Variants in RNLS observed in about 807,000 individuals in gnomAD.
RNLS encodes the protein renalase.
In RNLS, 39 loss-of-function variants were observed where a neutral mutation model predicts 39.8. That is an observed-to-expected ratio of 0.98 (90% confidence interval 0.76 to 1.28). The LOEUF is 1.28. RNLS is among the 50% of genes most tolerant of loss of function. The pLI is 0.00. For synonymous variants in RNLS, 147 were observed against 150.7 expected (o/e 0.98, Z 0.18); for missense variants, 410 against 413.3 (o/e 0.99, Z 0.07).
the RNLS span, among the ~76,000 whole-genome samples, chr10:88,244,733 T>C: frequency 1.3e-5 from 2 of 151,854 alleles, no homozygotes; most frequent in African/African-American, 2.4e-5. Flanking sequence ...AAGGACACAC[T>C]GTGTAAATGG....
intron 6 of RNLS, among the ~76,000 whole-genome samples, chr10:88,276,264 T>C (rs533908935): frequency 4.1e-4 from 62 of 152,270 alleles, no homozygotes; most frequent in Admixed American, 3.9e-3. Flanking sequence ...TTTAGTTTTG[T>C]TTTCTAAGAG....
At chr10:88,549,626 T>A (rs1042106812) in intron 4 of RNLS, among the ~76,000 whole-genome samples, 1 of 152,046 alleles carries the variant, frequency 6.6e-6, no homozygotes, top group East Asian at 1.9e-4. Flanking sequence ...AAAAAAGCAG[T>A]GTCAGGGAGA....
At chr10:88,459,103 CTTT>C (rs34868471) in intron 4 of RNLS, among the ~76,000 whole-genome samples, 3 of 145,222 alleles carry the variant, frequency 2.1e-5, no homozygotes, top group Non-Finnish European at 3.0e-5. Context: ...TTTCTTTTTT[CTTT>C]TTTTTTTTTT....
intron 4 of RNLS, among the ~76,000 whole-genome samples, chr10:88,376,954 C>A (rs896771410): frequency 6.6e-6 from 1 of 151,446 alleles, no homozygotes; most frequent in East Asian, 1.9e-4. Flanking sequence ...ACTTAAGATA[C>A]AAAAAAAGAG....
chr10:88,464,717 T>C (rs1843108682), intron 4 of RNLS, among the ~76,000 whole-genome samples: 1 of 151,520 alleles, frequency 6.6e-6, no homozygotes, highest in African/African-American at 2.4e-5. Context: ...AGCTGCCTCT[T>C]AAAGCTCCTC....
At chr10:88,372,901 A>G (rs1850679324) in intron 4 of RNLS, among the ~76,000 whole-genome samples, 1 of 152,118 alleles carries the variant, frequency 6.6e-6, no homozygotes, top group African/African-American at 2.4e-5. Flanking sequence ...TGCATTCTAA[A>G]CTTTTTAGAC....
At chr10:88,353,141 C>CA (rs1848857723) in intron 5 of RNLS, among the ~76,000 whole-genome samples, 1 of 152,018 alleles carries the variant, frequency 6.6e-6, no homozygotes, top group African/African-American at 2.4e-5. Context: ...CTGATCTTTT[C>CA]AAAAAACCAG....
chr10:88,533,460 G>A (rs1345968640), intron 4 of RNLS, among the ~76,000 whole-genome samples: 1 of 152,164 alleles, frequency 6.6e-6, no homozygotes, highest in Non-Finnish European at 1.5e-5. Context: ...ACTTTGATTT[G>A]ACCTTAAAGG....
chr10:88,431,936 C>G (rs1832045544), intron 4 of RNLS, among the ~76,000 whole-genome samples: 1 of 151,660 alleles, frequency 6.6e-6, no homozygotes, highest in African/African-American at 2.4e-5. Context: ...AATGTGTATT[C>G]TGTCGTTGTT....
chr10:88,479,690 A>G (rs1589864521), intron 4 of RNLS, among the ~76,000 whole-genome samples: 1 of 152,258 alleles, frequency 6.6e-6, no homozygotes, highest in East Asian at 1.9e-4. Context: ...CATTTTCAGA[A>G]AAGTAACCCA....
At chr10:88,296,707 T>C (rs139404129) in intron 6 of RNLS, among the ~76,000 whole-genome samples, 36 of 152,322 alleles carry the variant, frequency 2.4e-4, no homozygotes, top group African/African-American at 8.4e-4. Context: ...AAATTTATTT[T>C]TTGTGTGTAT....
chr10:88,329,268 G>C (rs1301180597), intron 5 of RNLS, among the ~76,000 whole-genome samples: 1 of 151,950 alleles, frequency 6.6e-6, no homozygotes, highest in African/African-American at 2.4e-5. Context: ...TGCCCAGGTG[G>C]TCTTGAACTC....
At chr10:88,326,396 C>T (rs1048079834) in intron 5 of RNLS, among the ~76,000 whole-genome samples, 4 of 152,218 alleles carry the variant, frequency 2.6e-5, no homozygotes, top group Non-Finnish European at 1.5e-5. Context: ...GCGAAGGTCA[C>T]TCTTGCCATG....
chr10:88,301,595 A>G (rs947299054), intron 6 of RNLS, among the ~76,000 whole-genome samples: 1 of 152,240 alleles, frequency 6.6e-6, no homozygotes, highest in Non-Finnish European at 1.5e-5. Context: ...AAAATGTGCA[A>G]GTTAGTTTAG....
At chr10:88,353,762 T>A (rs141683643) in intron 5 of RNLS, among the ~76,000 whole-genome samples, 10 of 152,368 alleles carry the variant, frequency 6.6e-5, no homozygotes, top group African/African-American at 1.9e-4. Flanking sequence ...TTCCTGGATA[T>A]CCTTGTTAAG....
the RNLS span, among the ~76,000 whole-genome samples, chr10:88,232,475 A>G: frequency 7.9e-5 from 12 of 152,274 alleles, no homozygotes; most frequent in Non-Finnish European, 1.6e-4. Context: ...GAGACAGGAT[A>G]TCGCTATGCT....
chr10:88,285,191 T>C lies in RNLS; in HGVS notation c.*163A>G. The C allele has an allele frequency of 7.5e-7, 1 of 1,326,678 alleles. No individual in the cohort carries two copies. The highest frequency in any genetic ancestry group is 9.6e-7 in the Non-Finnish European group (1 of 1,037,470). The allele number at this position is 1,326,678 out of a possible 1,614,324, so 82.2% of individuals were successfully genotyped here. ...TCCATTCTAGCATGGGTTGTAACTA[T>C]CAAAATTACAAAATTGATTTTATAC... On this transcript the variant is annotated 3_prime_UTR_variant, in exon 7 of 7. Coordinates refer to ENST00000331772, the MANE Select transcript of RNLS (RefSeq NM_001031709.3).
intron 4 of RNLS, among the ~76,000 whole-genome samples, chr10:88,552,186 G>A (rs1273133976): frequency 6.6e-6 from 1 of 152,176 alleles, no homozygotes; most frequent in African/African-American, 2.4e-5. Flanking sequence ...TCAAGTAACT[G>A]TCCCCAAGGT....
the RNLS span, among the ~76,000 whole-genome samples, chr10:88,246,660 C>T: frequency 6.6e-6 from 1 of 151,962 alleles, no homozygotes; most frequent in East Asian, 1.9e-4. Flanking sequence ...TCCTCCCACT[C>T]TCTCTCACGG....
Sources: gnomAD v4.1 joint callset for allele counts (sites outside exome capture counted in the v4.1 genomes callset) on GRCh38, gnomAD v4.1.1 for gene constraint, MANE v1.5 for transcripts, NCBI Gene and HGNC (gene_info 2026-07-23, HGNC 2026-07-21) for gene names.